MACROD1: variants seen among roughly 807,000 people sequenced by gnomAD.
MACROD1 encodes mono-ADP ribosylhydrolase 1, also known as ADP-ribose glycohydrolase MACROD1.
A neutral mutation model predicts 41.4 loss-of-function variants in MACROD1; 31 were observed. That is an observed-to-expected ratio of 0.75 (90% CI 0.56 to 1.01). The LOEUF is 1.01. MACROD1 is among the 50% of genes least tolerant of loss of function. The pLI, the probability that MACROD1 is intolerant of heterozygous loss-of-function variation, is 0.00. For synonymous variants in MACROD1, 252 were observed against 203.4 expected, an observed-to-expected ratio of 1.24 and a Z score of -2.03; for missense variants, 473 against 460.0, an observed-to-expected ratio of 1.03 and a Z score of -0.26.
chr11:64,041,698 G>A (rs532401903), intron 3 of MACROD1, among the ~76,000 whole-genome samples: 1 of 152,166 alleles, frequency 6.6e-6, no homozygotes, highest in South Asian at 2.1e-4. Context: ...GACAAAATCC[G>A]AGGGACTGAG....
intron 3 of MACROD1, among the ~76,000 whole-genome samples, chr11:64,018,541 C>T (rs117927754): frequency 0.018 from 2,784 of 152,226 alleles, 44 homozygotes; most frequent in Middle Eastern, 0.065. Flanking sequence ...CCACCCAGCC[C>T]GCCCAGCCCA....
At chr11:64,154,632 C>T (rs1945638981) in intron 1 of MACROD1, among the ~76,000 whole-genome samples, 1 of 152,228 alleles carries the variant, frequency 6.6e-6, no homozygotes, top group African/African-American at 2.4e-5. Flanking sequence ...TACACCAGTT[C>T]CCCAAACAGC....
chr11:64,078,085 C>T (rs1944236493), intron 3 of MACROD1, among the ~76,000 whole-genome samples: 1 of 152,222 alleles, frequency 6.6e-6, no homozygotes, highest in Non-Finnish European at 1.5e-5. Context: ...CTTTCACAGT[C>T]ACACTGCCCT....
chr11:64,087,983 G>C (rs972907861), intron 3 of MACROD1, among the ~76,000 whole-genome samples: 1 of 152,216 alleles, frequency 6.6e-6, no homozygotes, highest in South Asian at 2.1e-4. Context: ...CCAGAGCTGG[G>C]AGGGCCTCGA....
chr11:64,079,153 T>C (rs1436242508), intron 3 of MACROD1, among the ~76,000 whole-genome samples: 1 of 151,934 alleles, frequency 6.6e-6, no homozygotes, highest in African/African-American at 2.4e-5. Flanking sequence ...TTGGATTCAT[T>C]GGATTTGGAA....
chr11:64,004,071 GC>G (rs1008479124), intron 4 of MACROD1, among the ~76,000 whole-genome samples: 2 of 152,244 alleles, frequency 1.3e-5, no homozygotes, highest in African/African-American at 4.8e-5. Context: ...TCTGCCCCAA[GC>G]CCTGGCCTCT....
In MACROD1 at chr11:64,072,680, C is replaced by T. The variant is rs1473286576; in HGVS notation, c.518-57399G>A. Among the ~76,000 whole-genome samples the T allele has an allele frequency of 7.9e-5, 12 of 152,290 alleles. No individual in the cohort carries two copies. In the East Asian group the frequency reaches 2.3e-3, roughly 29 times the overall value. On this transcript the variant is annotated intron_variant, in intron 3 of 10. Coordinates refer to ENST00000255681, the MANE Select transcript of MACROD1 (RefSeq NM_014067.4). ...GTTATAGGGCTGTTCTCCCCATGCC[C>T]TGGTTATAGGGCTGTTCTGGGGATT...
Position 64,067,071 on chromosome 11 carries a change from T to C in MACROD1, c.518-51790A>G, listed in dbSNP as rs934037585. ...CCCCCATGCCCAATGTCCTGGCTCA[T>C]TTGGGTAAACTAAGGCCTGGCAGAA... On this transcript the variant is annotated intron_variant, in intron 3 of 10. Coordinates refer to ENST00000255681, the MANE Select transcript of MACROD1 (RefSeq NM_014067.4). The surrounding 1 kb of genome is among the most constrained non-coding windows in gnomAD (Gnocchi z 4.6). Among the ~76,000 whole-genome samples, 2 of 152,142 alleles carry C rather than the reference T, an allele frequency of 1.3e-5. No homozygotes were observed. The highest frequency in any genetic ancestry group is 2.9e-5 in the Non-Finnish European group (2 of 68,018).
At chr11:64,012,284 T>G (rs1943026794) in intron 4 of MACROD1, among the ~76,000 whole-genome samples, 1 of 152,250 alleles carries the variant, frequency 6.6e-6, no homozygotes, top group Admixed American at 6.5e-5. Context: ...ACAGGCCATC[T>G]GTGAGCCACT....
chr11:64,056,372 A>G (rs983098672), intron 3 of MACROD1, among the ~76,000 whole-genome samples: 1 of 152,136 alleles, frequency 6.6e-6, no homozygotes, highest in African/African-American at 2.4e-5. Flanking sequence ...CAGTGCCAGA[A>G]TGAACAGGCC....
At chr11:64,007,700 G>C (rs1188024307) in intron 4 of MACROD1, among the ~76,000 whole-genome samples, 3 of 152,276 alleles carry the variant, frequency 2.0e-5, no homozygotes, top group South Asian at 4.1e-4. Context: ...CTATGCTGAA[G>C]CACAGCCCCC....
At chr11:64,110,172 C>T (rs777508810) in intron 3 of MACROD1, among the ~76,000 whole-genome samples, 3 of 152,190 alleles carry the variant, frequency 2.0e-5, no homozygotes, top group East Asian at 1.9e-4. Flanking sequence ...GCCTGAGGCC[C>T]GGCGTGGTGG....
At chr11:64,091,637 G>A (rs1234477132) in intron 3 of MACROD1, among the ~76,000 whole-genome samples, 2 of 152,234 alleles carry the variant, frequency 1.3e-5, no homozygotes, top group Non-Finnish European at 2.9e-5. Context: ...CCCCCCATCC[G>A]ACAGATAAGG....
chr11:64,158,588 C>G (rs938577416), intron 1 of MACROD1, among the ~76,000 whole-genome samples: 1 of 152,026 alleles, frequency 6.6e-6, no homozygotes, highest in Admixed American at 6.6e-5. Flanking sequence ...CAAGCAGGTG[C>G]CATTGGTCCC....
At chr11:64,100,322 A>C (rs1376339339) in intron 3 of MACROD1, among the ~76,000 whole-genome samples, 2 of 152,228 alleles carry the variant, frequency 1.3e-5, no homozygotes, top group Non-Finnish European at 2.9e-5. Flanking sequence ...CTTTTAATAC[A>C]GTTGTGATGT....
At chr11:64,125,973 C>T (rs1467367770) in intron 3 of MACROD1, among the ~76,000 whole-genome samples, 1 of 152,220 alleles carries the variant, frequency 6.6e-6, no homozygotes, top group East Asian at 1.9e-4. Context: ...GGATGCGGGG[C>T]CGCCACCAGT....
intron 3 of MACROD1, among the ~76,000 whole-genome samples, chr11:64,045,074 C>T (rs950721825): frequency 6.6e-6 from 1 of 152,208 alleles, no homozygotes; most frequent in Non-Finnish European, 1.5e-5. Context: ...CAGGCCTGTG[C>T]GGGCTGAGGG....
chr11:64,008,185 A>AGGGAGAGGGAGCC (rs1942944803), intron 4 of MACROD1, among the ~76,000 whole-genome samples: 1 of 152,206 alleles, frequency 6.6e-6, no homozygotes, highest in African/African-American at 2.4e-5. Context: ...CGACAGGAGA[A>AGGGAGAGGGAGCC]GGGAGAGGGA....
chr11:64,113,473 C>T (rs1944898832), intron 3 of MACROD1, among the ~76,000 whole-genome samples: 3 of 115,486 alleles, frequency 2.6e-5, no homozygotes, highest in Non-Finnish European at 5.3e-5. Context: ...TGGATTGATG[C>T]ATATATGGAT....
Sources: gnomAD v4.1 joint callset for allele counts (sites outside exome capture counted in the v4.1 genomes callset) on GRCh38, gnomAD v4.1.1 for gene constraint, Gnocchi (gnomAD v3.1) non-coding constraint, MANE v1.5 for transcripts, NCBI Gene and HGNC (gene_info 2026-07-23, HGNC 2026-07-21) for gene names.